SLC1A2: variants seen among roughly 807,000 people sequenced by gnomAD.
SLC1A2 encodes solute carrier family 1 member 2.
In SLC1A2, 15 loss-of-function variants were observed where a neutral mutation model predicts 48.8. The observed-to-expected ratio is 0.31, with a 90% CI of 0.21 to 0.47. SLC1A2 has a LOEUF of 0.47. Ranked by LOEUF, SLC1A2 falls within the 20% of genes least tolerant of loss-of-function variation. SLC1A2 has a pLI of 0.99. For missense variants in SLC1A2, 502 were observed against 730.5 expected, an observed-to-expected ratio of 0.69 and a Z score of 3.61; for synonymous variants, 279 against 272.6, an observed-to-expected ratio of 1.02 and a Z score of -0.23.
At position 35,418,779 on chromosome 11, in the gene SLC1A2, CA is replaced by C. The variant is rs1855689596; in HGVS notation, c.17+170del. On this transcript the variant is annotated intron_variant, in intron 1 of 10. Transcript: ENST00000278379. ...TTTCAAAGGATTAAGCAGCAATCTC[CA>C]GGAAAGAAAATCAATCCCCTCCCCA... 3.9e-5 allele frequency: 24 copies of C among 607,772 alleles called. No homozygotes were observed. The South Asian group carries it at 4.6e-4, about 12-fold the overall frequency. The allele number at this position is 607,772 out of a possible 1,614,324, so 37.6% of individuals were successfully genotyped here.
intron 1 of SLC1A2, chr11:35,323,122 A>G (rs564495965): frequency 3.6e-6 from 1 of 276,106 alleles, no homozygotes; most frequent in African/African-American, 2.2e-5. Context: ...TTGCTAAATC[A>G]CAGAATTACT....
intron 1 of SLC1A2, among the ~76,000 whole-genome samples, chr11:35,410,215 G>A (rs542389498): frequency 1.3e-5 from 2 of 152,272 alleles, no homozygotes; most frequent in East Asian, 3.9e-4. Context: ...CACATACACT[G>A]TGGAATAAAA....
At position 35,317,454 on chromosome 11, in the gene SLC1A2, T is replaced by C. The variant is rs1228240856; in HGVS notation, c.80A>G (p.Glu27Gly). The change falls in exon 2 of 11, where the codon GAA becomes GGA. Residue 27 changes from glutamate (E) to glycine (G), a missense_variant. Physicochemically the swap from Glu to Gly is moderately conservative, Grantham distance 98. Coordinates refer to ENST00000278379, the MANE Select transcript of SLC1A2 (RefSeq NM_004171.4). ...RMHDSHLGSE[E>G]PKHRHLGLRL... The stretch of plus-strand genomic sequence containing the variant: ...CAGGCCCAGGTGCCGGTGCTTGGGT[T>C]CCTCTGAGCCAAGATGACTGTCGTG... The C allele has an allele frequency of 1.2e-6, 2 of 1,614,162 alleles. No individual in the cohort carries two copies. Among genetic ancestry groups the C allele is most frequent in the Non-Finnish European group, 1.7e-6 (2 of 1,180,004 alleles).
chr11:35,391,321 T>C (rs1031974844), intron 1 of SLC1A2: 2 of 152,216 alleles, frequency 1.3e-5, no homozygotes, highest in African/African-American at 4.8e-5. Context: ...TAAAAGAGCA[T>C]TGGGTGCTTA....
intron 6 of SLC1A2, chr11:35,297,644 T>A (rs922845207): frequency 2.6e-5 from 4 of 152,094 alleles, no homozygotes; most frequent in African/African-American, 9.7e-5. Context: ...TTTTTCAAAT[T>A]TTGAAAAAAA....
intron 6 of SLC1A2, among the ~76,000 whole-genome samples, chr11:35,294,273 T>C (rs766946695): frequency 2.0e-5 from 3 of 152,186 alleles, no homozygotes; most frequent in Non-Finnish European, 4.4e-5. Context: ...AACATTAGCA[T>C]AGCTGCTCTC....
At chr11:35,292,036 A>T (rs1851024963) in intron 7 of SLC1A2, 1 of 469,380 alleles carries the variant, frequency 2.1e-6, no homozygotes, top group Non-Finnish European at 3.8e-6. Context: ...AATAGCATGC[A>T]TTTATCTGAA....
intron 4 of SLC1A2, among the ~76,000 whole-genome samples, chr11:35,311,558 A>AG (rs746531724): frequency 3.1e-4 from 47 of 152,348 alleles, no homozygotes; most frequent in East Asian, 5.8e-4. Context: ...GCTCTAGAGA[A>AG]GGGGAAGCAG....
intron 8 of SLC1A2, 123 bp downstream of exon 8, chr11:35,286,634 T>G: frequency 5.9e-6 from 4 of 678,860 alleles, no homozygotes; most frequent in Non-Finnish European, 9.4e-6. Context: ...AGTTTCTCTT[T>G]TTTTATTACC....
intron 1 of SLC1A2, among the ~76,000 whole-genome samples, chr11:35,417,345 C>T (rs1855640028): frequency 6.6e-6 from 1 of 152,152 alleles, no homozygotes; most frequent in Non-Finnish European, 1.5e-5. Flanking sequence ...CTCTATCTGG[C>T]CATCAAAATA....
chr11:35,255,809 A>C lies in SLC1A2; in HGVS notation c.*5085T>G, dbSNP rs1273651876. On this transcript the variant is annotated 3_prime_UTR_variant, in exon 11 of 11. Coordinates refer to ENST00000278379, the MANE Select transcript of SLC1A2 (RefSeq NM_004171.4). ...AAGTCAAGGGAACTTTTATTAAAAAACTTTTATTGGTGTCTCAAAATATCA... is the reference window on the plus strand; with the variant it reads ...AAGTCAAGGGAACTTTTATTAAAAACCTTTTATTGGTGTCTCAAAATATCA... 3.9e-5 allele frequency: 6 copies of C among 152,210 alleles called. No individual in the cohort carries two copies. The highest frequency in any genetic ancestry group is 5.9e-5 in the Non-Finnish European group (4 of 68,032). 9.4% of individuals were successfully genotyped at this position (152,210 alleles called of 1,614,324 possible).
chr11:35,373,706 G>A (rs142759819), intron 1 of SLC1A2, among the ~76,000 whole-genome samples: 1 of 152,120 alleles, frequency 6.6e-6, no homozygotes, highest in Non-Finnish European at 1.5e-5. Flanking sequence ...ATGGGCAAGG[G>A]GCATACTTGT....
At chr11:35,382,284 T>A (rs1854449997) in intron 1 of SLC1A2, among the ~76,000 whole-genome samples, 1 of 152,266 alleles carries the variant, frequency 6.6e-6, no homozygotes, top group African/African-American at 2.4e-5. Flanking sequence ...TGTCGATATT[T>A]TCACTATTAC....
chr11:35,331,800 T>A (rs984015403), intron 1 of SLC1A2, among the ~76,000 whole-genome samples: 9 of 152,196 alleles, frequency 5.9e-5, no homozygotes, highest in Non-Finnish European at 2.9e-5. Context: ...GAGCCCCCAA[T>A]CTACTTTTCA....
Position 35,312,362 on chromosome 11 carries a change from C to A in SLC1A2, c.397G>T (p.Val133Leu). ...GCCAAGACCAGAATGACCCCCAGTA[C>A]TGCAGCAATGATGGTCGTGGACATG... Reference protein sequence around the residue: ...YYMSTTIIAAVLGVILVLAIH... With the variant: ...YYMSTTIIAALLGVILVLAIH... Residue 133 changes from valine (V) to leucine (L), a missense_variant, in exon 4 of 11, where the codon GTA (valine) becomes TTA (leucine). Val to Leu is a conservative substitution (Grantham distance 32). Coordinates refer to ENST00000278379, the MANE Select transcript of SLC1A2 (RefSeq NM_004171.4). 1 of 1,614,202 alleles carries A rather than the reference C, an allele frequency of 6.2e-7. No homozygotes were observed. The highest frequency in any genetic ancestry group is 8.5e-7 in the Non-Finnish European group (1 of 1,180,028).
intron 8 of SLC1A2, 144 bp downstream of exon 8, chr11:35,286,613 A>T: frequency 1.8e-6 from 1 of 549,430 alleles, no homozygotes; most frequent in Non-Finnish European, 3.2e-6. Context: ...TTCCTTTTGA[A>T]GGCTGCCAAT....
intron 1 of SLC1A2, among the ~76,000 whole-genome samples, chr11:35,355,801 C>T (rs1853436654): frequency 6.6e-6 from 1 of 151,630 alleles, no homozygotes; most frequent in Non-Finnish European, 1.5e-5. Context: ...AGGAGAATCA[C>T]TTGAACCTGG....
intron 1 of SLC1A2, among the ~76,000 whole-genome samples, chr11:35,395,671 CTTT>C (rs111353211): frequency 1.4e-5 from 2 of 138,818 alleles, no homozygotes; most frequent in African/African-American, 2.6e-5. Context: ...CTCCAAACTT[CTTT>C]TTTTTTTTTT....
chr11:35,282,308 A>T (rs1296874357), intron 8 of SLC1A2, among the ~76,000 whole-genome samples: 1 of 152,170 alleles, frequency 6.6e-6, no homozygotes, highest in African/African-American at 2.4e-5. Context: ...AAAGTTCTGC[A>T]GTTGAACAAC....
Sources: gnomAD v4.1 joint callset for allele counts (sites outside exome capture counted in the v4.1 genomes callset) on GRCh38, gnomAD v4.1.1 for gene constraint, MANE v1.5 for transcripts, NCBI Gene and HGNC (gene_info 2026-07-23, HGNC 2026-07-21) for gene names.